GPC5: variants seen among roughly 807,000 people sequenced by gnomAD.
GPC5 encodes the protein glypican-5.
Under a neutral mutation model 53.9 loss-of-function variants are expected in GPC5, and 47 were observed. The ratio of observed to expected loss-of-function variants is 0.87; its 90% confidence interval spans 0.69 to 1.11. GPC5 has a LOEUF of 1.11. Ranked by LOEUF, GPC5 falls within the 50% of genes most tolerant of loss-of-function variation. The pLI is 0.00. For missense variants in GPC5, 748 were observed against 713.1 expected (o/e 1.05, Z -0.56); for synonymous variants, 286 against 263.3 (o/e 1.09, Z -0.84).
At chr13:91,478,361 C>T (rs1883055878) in intron 2 of GPC5, among the ~76,000 whole-genome samples, 1 of 151,920 alleles carries the variant, frequency 6.6e-6, no homozygotes, top group Admixed American at 6.6e-5. Flanking sequence ...TTCCATTTCA[C>T]TGTCTTTTTT....
intron 7 of GPC5, among the ~76,000 whole-genome samples, chr13:92,607,499 A>C (rs1176082643): frequency 6.6e-6 from 1 of 152,180 alleles, no homozygotes; most frequent in Non-Finnish European, 1.5e-5. Context: ...AGACATAAAA[A>C]TAAGAACAGA....
At chr13:92,598,518 T>C (rs4316616) in intron 7 of GPC5, among the ~76,000 whole-genome samples, 149,473 of 152,166 alleles carry the variant, frequency 0.98, 73,483 homozygotes, top group East Asian at 1. Flanking sequence ...GCTCTGATCC[T>C]CTCTTATTTA....
chr13:92,314,784 A>G (rs1418072141), intron 7 of GPC5, among the ~76,000 whole-genome samples: 1 of 152,012 alleles, frequency 6.6e-6, no homozygotes, highest in East Asian at 1.9e-4. Context: ...TTATTTATTT[A>G]TTTTCAGAGA....
intron 6 of GPC5, among the ~76,000 whole-genome samples, chr13:92,064,728 G>T (rs1372725928): frequency 7.7e-6 from 1 of 129,178 alleles, no homozygotes; most frequent in Non-Finnish European, 1.6e-5. Context: ...TTGCACTCCA[G>T]CCTGGGCGAC....
chr13:92,203,087 G>A (rs1375149480), intron 7 of GPC5, among the ~76,000 whole-genome samples: 1 of 152,102 alleles, frequency 6.6e-6, no homozygotes, highest in East Asian at 1.9e-4. Flanking sequence ...AACTGGATGT[G>A]GAGCCCAGAT....
At chr13:92,356,943 A>C (rs1007059163) in intron 7 of GPC5, among the ~76,000 whole-genome samples, 8 of 152,166 alleles carry the variant, frequency 5.3e-5, no homozygotes, top group African/African-American at 1.9e-4. Context: ...GTTTAGTGAC[A>C]GTTTACAAGT....
intron 7 of GPC5, among the ~76,000 whole-genome samples, chr13:92,332,341 G>A (rs760579295): frequency 6.6e-6 from 1 of 152,080 alleles, no homozygotes; most frequent in African/African-American, 2.4e-5. Flanking sequence ...TCTGTTCTCT[G>A]TTTTTTACCT....
At chr13:92,321,394 C>G (rs575109850) in intron 7 of GPC5, among the ~76,000 whole-genome samples, 28 of 152,318 alleles carry the variant, frequency 1.8e-4, no homozygotes, top group East Asian at 3.9e-4. Context: ...GAGAGCAAGA[C>G]CATCCTGGCC....
intron 7 of GPC5, among the ~76,000 whole-genome samples, chr13:92,182,928 C>T (rs893883002): frequency 7.9e-5 from 12 of 151,226 alleles, no homozygotes; most frequent in East Asian, 5.8e-4. Context: ...ACATCAAGGA[C>T]GTTGAAACAA....
At chr13:92,363,727 T>G (rs1400025591) in intron 7 of GPC5, among the ~76,000 whole-genome samples, 3 of 151,784 alleles carry the variant, frequency 2.0e-5, no homozygotes, top group Admixed American at 6.5e-5. Flanking sequence ...CACTTGATTT[T>G]GGGTAACTTA....
intron 7 of GPC5, among the ~76,000 whole-genome samples, chr13:92,235,024 A>T (rs978305644): frequency 7.2e-5 from 11 of 152,210 alleles, no homozygotes; most frequent in Admixed American, 6.5e-4. Flanking sequence ...TTAGGTCCCT[A>T]AGAAAATCTT....
chr13:92,541,585 G>A (rs1338062952), intron 7 of GPC5, among the ~76,000 whole-genome samples: 1 of 151,132 alleles, frequency 6.6e-6, no homozygotes, highest in South Asian at 2.1e-4. Flanking sequence ...TTTTTTTGCT[G>A]TGTTAATTGT....
At chr13:92,021,551 T>C (rs1374597822) in intron 6 of GPC5, among the ~76,000 whole-genome samples, 2 of 152,220 alleles carry the variant, frequency 1.3e-5, no homozygotes, top group African/African-American at 4.8e-5. Flanking sequence ...ATTTGCTGTA[T>C]AACATTGCAC....
intron 2 of GPC5, among the ~76,000 whole-genome samples, chr13:91,508,711 T>C (rs1885078942): frequency 6.6e-6 from 1 of 152,190 alleles, no homozygotes; most frequent in Non-Finnish European, 1.5e-5. Flanking sequence ...CAACTGACTA[T>C]AAACATATAT....
chr13:92,592,869 G>A lies in GPC5; in HGVS notation c.1562-273413G>A, dbSNP rs1036132520. Among the ~76,000 whole-genome samples the A allele has an allele frequency of 4.6e-5, 7 of 150,944 alleles. 1 individual carries two copies. The highest frequency in any genetic ancestry group is 7.4e-5 in the Non-Finnish European group (5 of 67,504). ...GAGTGAGTGAGGTTGAGGGATGGGC[G>A]ATGTGCATGCTTCGGTGGCCCTCAT... On this transcript the variant is annotated intron_variant, in intron 7 of 7. Transcript: ENST00000377067.
intron 2 of GPC5, among the ~76,000 whole-genome samples, chr13:91,641,539 C>T (rs1031172310): frequency 6.6e-6 from 1 of 152,180 alleles, no homozygotes; most frequent in Non-Finnish European, 1.5e-5. Context: ...GATGGGCTGA[C>T]AGATGCAGCA....
chr13:91,978,220 T>G (rs1392609265), intron 6 of GPC5, among the ~76,000 whole-genome samples: 1 of 152,240 alleles, frequency 6.6e-6, no homozygotes, highest in Non-Finnish European at 1.5e-5. Flanking sequence ...GGTACAATTT[T>G]GCCTCCTCAA....
intron 1 of GPC5, among the ~76,000 whole-genome samples, chr13:91,440,469 G>T (rs1254953193): frequency 1.3e-5 from 2 of 151,882 alleles, no homozygotes; most frequent in Non-Finnish European, 2.9e-5. Context: ...TCTTTTTCCT[G>T]CGGAGAATCT....
rs1566615327 is a variant in GPC5 at position 91,693,607 on chromosome 13, G to T, written c.746G>T (p.Ser249Ile). ...TDYLHFSKEC[S>I]RALLKMQYCP... The stretch of plus-strand genomic sequence containing the variant: ...TATCTGCACTTCTCCAAAGAGTGCA[G>T]CAGAGCCCTCCTGAAGATGCAATAC... The change falls in exon 3 of 8, where the codon AGC becomes ATC. Residue 249 changes from serine to isoleucine, a missense_variant. Ser to Ile is a moderately radical substitution (Grantham distance 142). Transcript: ENST00000377067. 6.2e-7 allele frequency: 1 copy of T among 1,614,094 alleles called. No individual in the cohort carries two copies. Among genetic ancestry groups the T allele is most frequent in the East Asian group, 2.2e-5 (1 of 44,838 alleles).
Sources: gnomAD v4.1 joint callset for allele counts (sites outside exome capture counted in the v4.1 genomes callset) on GRCh38, gnomAD v4.1.1 for gene constraint, MANE v1.5 for transcripts, NCBI Gene and HGNC (gene_info 2026-07-23, HGNC 2026-07-21) for gene names.